The following WWOX variants were observed in gnomAD, a reference collection of about 807,000 sequenced individuals.
WWOX encodes WW domain containing oxidoreductase.
WWOX carries 69 observed loss-of-function variants against 46.2 expected under a neutral mutation model. The ratio of observed to expected loss-of-function variants is 1.49; its 90% confidence interval spans 1.23 to 1.82. The LOEUF is 1.82. WWOX is among the 40% of genes most tolerant of loss of function. The probability of loss-of-function intolerance (pLI) is 0.00; values close to 1 mark genes in which losing one functional copy is unlikely to be tolerated. For missense variants in WWOX, 919 were observed against 542.6 expected (o/e 1.69, Z -6.89); for synonymous variants, 359 against 202.6 (o/e 1.77, Z -6.56).
At chr16:78,483,993 T>C (rs2084564591) in intron 8 of WWOX, among the ~76,000 whole-genome samples, 1 of 152,232 alleles carries the variant, frequency 6.6e-6, no homozygotes, top group African/African-American at 2.4e-5. Flanking sequence ...ATGGCTTACC[T>C]TACTTTTTAG....
intron 6 of WWOX, among the ~76,000 whole-genome samples, chr16:78,423,717 G>T (rs2151959043): frequency 6.6e-6 from 1 of 152,014 alleles, no homozygotes; most frequent in African/African-American, 2.4e-5. Flanking sequence ...ATGGTGGTGT[G>T]CCCCTGTAGT....
At chr16:78,899,691 C>T (rs980649562) in intron 8 of WWOX, 1 of 152,186 alleles carries the variant, frequency 6.6e-6, no homozygotes, top group Non-Finnish European at 1.5e-5. Context: ...CCCAGAACGG[C>T]TCTACTTCTT....
intron 8 of WWOX, among the ~76,000 whole-genome samples, chr16:78,954,204 G>A (rs1195300782): frequency 2.6e-5 from 4 of 152,122 alleles, no homozygotes. Context: ...ATGGATGGAT[G>A]GTTGGATGGT....
At chr16:79,080,448 G>A (rs1322820562) in intron 8 of WWOX, among the ~76,000 whole-genome samples, 1 of 151,842 alleles carries the variant, frequency 6.6e-6, no homozygotes, top group East Asian at 1.9e-4. Flanking sequence ...AAATTCCTGG[G>A]AGATAGAATT....
At chr16:79,117,759 C>A (rs201359825) in intron 8 of WWOX, among the ~76,000 whole-genome samples, 1 of 152,222 alleles carries the variant, frequency 6.6e-6, no homozygotes, top group African/African-American at 2.4e-5. Context: ...GTTATGGAGA[C>A]GGCTTTCTTC....
intron 5 of WWOX, among the ~76,000 whole-genome samples, chr16:78,357,971 A>T (rs2081332968): frequency 6.6e-6 from 1 of 152,190 alleles, no homozygotes; most frequent in Non-Finnish European, 1.5e-5. Context: ...TCACTGATAC[A>T]ACTGGGGACC....
At chr16:78,890,064 C>G (rs999592228) in intron 8 of WWOX, among the ~76,000 whole-genome samples, 1 of 151,990 alleles carries the variant, frequency 6.6e-6, no homozygotes. Context: ...GCATTTATTA[C>G]ATAATTGCTC....
At chr16:79,056,968 A>G (rs962507988) in intron 8 of WWOX, among the ~76,000 whole-genome samples, 10 of 152,228 alleles carry the variant, frequency 6.6e-5, no homozygotes, top group Non-Finnish European at 1.3e-4. Context: ...TTTATTATCT[A>G]TCACTTTTGA....
chr16:79,083,020 A>G (rs2048788908), intron 8 of WWOX, among the ~76,000 whole-genome samples: 1 of 152,174 alleles, frequency 6.6e-6, no homozygotes, highest in Admixed American at 6.5e-5. Flanking sequence ...CCTACCAAAG[A>G]CACAGCAGAG....
At chr16:78,128,441 T>C (rs2033450597) in intron 4 of WWOX, among the ~76,000 whole-genome samples, 1 of 152,194 alleles carries the variant, frequency 6.6e-6, no homozygotes, top group African/African-American at 2.4e-5. Flanking sequence ...GGGTTGCAGT[T>C]GTGTTGAGAT....
chr16:78,731,831 T>A (rs1408824143), intron 8 of WWOX, among the ~76,000 whole-genome samples: 1 of 138,066 alleles, frequency 7.2e-6, no homozygotes, highest in Non-Finnish European at 1.5e-5. Flanking sequence ...CCAATGCCAA[T>A]TTTTTTTCTT....
chr16:78,906,794 A>G (rs1049971863), intron 8 of WWOX, among the ~76,000 whole-genome samples: 17 of 152,206 alleles, frequency 1.1e-4, no homozygotes, highest in African/African-American at 4.1e-4. Flanking sequence ...CTGACCCTTT[A>G]TCACCCACAG....
intron 5 of WWOX, among the ~76,000 whole-genome samples, chr16:78,384,977 T>C (rs1040548785): frequency 2.0e-5 from 3 of 151,784 alleles, no homozygotes; most frequent in Non-Finnish European, 4.4e-5. Context: ...GTACTGAAAA[T>C]ACAAAAATAA....
At chr16:79,130,513 C>G (rs745430154) in intron 8 of WWOX, among the ~76,000 whole-genome samples, 17 of 152,210 alleles carry the variant, frequency 1.1e-4, no homozygotes, top group Non-Finnish European at 2.2e-4. Context: ...TCTTGAGACT[C>G]CAGAGATCAG....
At chr16:78,856,813 A>G (rs1056597959) in intron 8 of WWOX, among the ~76,000 whole-genome samples, 1 of 152,174 alleles carries the variant, frequency 6.6e-6, no homozygotes, top group African/African-American at 2.4e-5. Context: ...CATTGCTTAG[A>G]GAGGAGGTTG....
chr16:78,581,550 C>G (rs189053535), intron 8 of WWOX, among the ~76,000 whole-genome samples: 74 of 152,248 alleles, frequency 4.9e-4, no homozygotes, highest in Non-Finnish European at 7.5e-4. Flanking sequence ...TGGTAATGAT[C>G]TTTTTAGATT....
chr16:78,772,742 G>T (rs1463028495), intron 8 of WWOX, among the ~76,000 whole-genome samples: 1 of 152,184 alleles, frequency 6.6e-6, no homozygotes, highest in Non-Finnish European at 1.5e-5. Flanking sequence ...AAGTTGGCTA[G>T]GCGCGGTGGC....
At chr16:78,850,666 G>C (rs139962988) in intron 8 of WWOX, among the ~76,000 whole-genome samples, 66 of 152,242 alleles carry the variant, frequency 4.3e-4, no homozygotes, top group Middle Eastern at 3.4e-3. Flanking sequence ...GTAATGACGA[G>C]CCTCATCCAG....
At chr16:78,181,720 G>A (rs2035537975) in intron 5 of WWOX, among the ~76,000 whole-genome samples, 1 of 152,048 alleles carries the variant, frequency 6.6e-6, no homozygotes, top group South Asian at 2.1e-4. Context: ...GAGGAACACA[G>A]GAATTTATTT....
Sources: allele counts gnomAD v4.1 joint callset (sites outside exome capture counted in the v4.1 genomes callset), GRCh38; gene constraint gnomAD v4.1.1; transcripts MANE v1.5; gene names NCBI Gene and HGNC (gene_info 2026-07-23, HGNC 2026-07-21).